LRP2: variants seen among roughly 807,000 people sequenced by gnomAD.
The protein encoded by LRP2 is low-density lipoprotein receptor-related protein 2.
In LRP2, 172 loss-of-function variants were observed where a neutral mutation model predicts 531.0. The observed-to-expected ratio is 0.32, with a 90% CI of 0.29 to 0.37. The LOEUF (loss-of-function observed/expected upper bound fraction) is 0.37, where lower values mean the gene tolerates loss of function less well. LRP2 is among the 10% of genes least tolerant of loss of function. The probability of loss-of-function intolerance (pLI) is 1.00; values close to 1 mark genes in which losing one functional copy is unlikely to be tolerated. For missense variants in LRP2, 5,167 were observed against 5,868.3 expected, an observed-to-expected ratio of 0.88 and a Z score of 3.90; for synonymous variants, 1,992 against 2,027.6, an observed-to-expected ratio of 0.98 and a Z score of 0.47.
chr2:169,327,669 G>GC (rs543086755), intron 1 of LRP2, among the ~76,000 whole-genome samples: 81,792 of 82,262 alleles, frequency 0.99, 40,667 homozygotes, highest in Middle Eastern at 1. Flanking sequence ...GGGGGGCTCA[G>GC]CCCCCTCCCG....
chr2:169,308,831 T>A (rs1302311304), intron 3 of LRP2, among the ~76,000 whole-genome samples: 1 of 152,214 alleles, frequency 6.6e-6, no homozygotes, highest in East Asian at 1.9e-4. Context: ...TAGTTTACAG[T>A]CCCACCAACA....
At chr2:169,202,275 A>C (rs760656770) in intron 43 of LRP2, among the ~76,000 whole-genome samples, 21 of 152,302 alleles carry the variant, frequency 1.4e-4, no homozygotes, top group Admixed American at 1.0e-3. Flanking sequence ...TATTCACTCT[A>C]TTCAGATGGA....
chr2:169,351,128 A>T (rs13002515), intron 1 of LRP2, among the ~76,000 whole-genome samples: 36,644 of 152,180 alleles, frequency 0.24, 4,991 homozygotes, highest in Non-Finnish European at 0.3. Context: ...GGAGGAAGTC[A>T]GGATACACTG....
chr2:169,277,066 T>C (rs1329016065), intron 13 of LRP2, among the ~76,000 whole-genome samples: 3 of 151,856 alleles, frequency 2.0e-5, no homozygotes, highest in Non-Finnish European at 4.4e-5. Flanking sequence ...TGGTGGTGTA[T>C]GCTTGTAATC....
At chr2:169,315,959 CAAAAAAAAAAA>C (rs536458606) in intron 3 of LRP2, among the ~76,000 whole-genome samples, 3 of 73,748 alleles carry the variant, frequency 4.1e-5, no homozygotes, top group Non-Finnish European at 5.2e-5. Context: ...CCCATCTCTA[CAAAAAAAAAAA>C]AAAAAAAAAA....
At chr2:169,283,830 T>C (rs1164259470) in intron 9 of LRP2, among the ~76,000 whole-genome samples, 1 of 152,142 alleles carries the variant, frequency 6.6e-6, no homozygotes, top group Non-Finnish European at 1.5e-5. Context: ...TGTTTAAAAA[T>C]AGTTCCAATA....
At chr2:169,262,765 CA>C (rs36172249) in intron 16 of LRP2, among the ~76,000 whole-genome samples, 1 of 150,678 alleles carries the variant, frequency 6.6e-6, no homozygotes, top group South Asian at 2.1e-4. Flanking sequence ...CATATGGAAC[CA>C]AAAAAGAGCC....
At chr2:169,276,177 A>G (rs988757065) in intron 13 of LRP2, among the ~76,000 whole-genome samples, 2 of 152,176 alleles carry the variant, frequency 1.3e-5, no homozygotes, top group Non-Finnish European at 2.9e-5. Context: ...GAAACATTCT[A>G]TAATGACATG....
chr2:169,284,674 C>A (rs769397548), intron 9 of LRP2, among the ~76,000 whole-genome samples: 3 of 152,032 alleles, frequency 2.0e-5, no homozygotes, highest in Non-Finnish European at 4.4e-5. Context: ...GGAAAAAAAA[C>A]CCAATCCGAT....
chr2:169,173,317 A>C, intron 56 of LRP2, 93 bp from the exon 57 acceptor site: 1 of 1,496,872 alleles, frequency 6.7e-7, no homozygotes, highest in Non-Finnish European at 9.2e-7. Flanking sequence ...AGGAATAACA[A>C]TGACCATGTT....
chr2:169,331,686 A>G (rs942138265), intron 1 of LRP2, among the ~76,000 whole-genome samples: 5 of 152,248 alleles, frequency 3.3e-5, no homozygotes, highest in Non-Finnish European at 4.4e-5. Flanking sequence ...CTGCCTGCCC[A>G]GGTAAATAAG....
chr2:169,315,573 CA>C (rs986890031), intron 3 of LRP2, among the ~76,000 whole-genome samples: 8 of 152,270 alleles, frequency 5.3e-5, no homozygotes, highest in African/African-American at 1.4e-4. Context: ...CTGCTGTGCC[CA>C]AGTGGCCACT....
rs746982674 is a variant in LRP2, at chr2:169,203,962, T to C, written c.8005+20A>G. On this transcript the variant is annotated intron_variant, in intron 42 of 78. Coordinates refer to ENST00000649046, the MANE Select transcript of LRP2 (RefSeq NM_004525.3). ...TGATCATTATTCTCCATGTTCTAAT[T>C]TTCATGGTCAGTGCCTTACCTGGTG... 28 of 1,613,398 alleles carry C rather than the reference T, an allele frequency of 1.7e-5. No homozygotes were observed. In the South Asian group the frequency reaches 3.0e-4, roughly 17 times the overall value.
chr2:169,231,691 C>T, intron 31 of LRP2, 23 bp downstream of exon 31: 1 of 1,613,536 alleles, frequency 6.2e-7, no homozygotes, highest in Non-Finnish European at 8.5e-7. Flanking sequence ...ATCTTCAGAG[C>T]TCACATAAGG....
At chr2:169,231,667 C>A (rs906567392) in intron 31 of LRP2, 47 bp downstream of exon 31, 1 of 1,612,300 alleles carries the variant, frequency 6.2e-7, no homozygotes, top group African/African-American at 1.3e-5. Context: ...TTGGCACAAA[C>A]TATGACCAGC....
At chr2:169,254,951 A>G (rs1206318091) in intron 19 of LRP2, among the ~76,000 whole-genome samples, 1 of 152,016 alleles carries the variant, frequency 6.6e-6, no homozygotes, top group Non-Finnish European at 1.5e-5. Flanking sequence ...CAAAAATCTC[A>G]TGAGCATTTT....
At chr2:169,360,352 A>G (rs1244006396) in intron 1 of LRP2, among the ~76,000 whole-genome samples, 1 of 152,114 alleles carries the variant, frequency 6.6e-6, no homozygotes, top group Admixed American at 6.6e-5. Context: ...TAATTGAGTC[A>G]ATAAGTATAA....
intron 76 of LRP2, among the ~76,000 whole-genome samples, chr2:169,137,136 T>C (rs1321558823): frequency 6.6e-6 from 1 of 152,238 alleles, no homozygotes; most frequent in Non-Finnish European, 1.5e-5. Flanking sequence ...CCACTCAAAA[T>C]GAAAGGTTCT....
intron 3 of LRP2, among the ~76,000 whole-genome samples, chr2:169,309,498 T>C (rs1252451444): frequency 6.6e-6 from 1 of 152,266 alleles, no homozygotes; most frequent in African/African-American, 2.4e-5. Context: ...TCCCGTTTCT[T>C]GTTTTTGTCA....
Sources: gnomAD v4.1 joint callset for allele counts (sites outside exome capture counted in the v4.1 genomes callset) on GRCh38, gnomAD v4.1.1 for gene constraint, MANE v1.5 for transcripts, NCBI Gene and HGNC (gene_info 2026-07-23, HGNC 2026-07-21) for gene names.